Variants in UNC80 observed in about 807,000 individuals in gnomAD.
The protein encoded by UNC80 is unc-80 subunit of NALCN channel complex.
Under a neutral mutation model 384.6 loss-of-function variants are expected in UNC80, and 164 were observed. The ratio of observed to expected loss-of-function variants is 0.43; its 90% CI spans 0.38 to 0.49. The LOEUF (loss-of-function observed/expected upper bound fraction) is 0.49, where lower values mean the gene tolerates loss of function less well. UNC80 is among the 20% of genes least tolerant of loss of function. The probability of loss-of-function intolerance (pLI) is 0.00; values close to 1 mark genes in which losing one functional copy is unlikely to be tolerated. For synonymous variants in UNC80, 1,486 were observed against 1,527.8 expected (o/e 0.97, Z 0.64); for missense variants, 3,330 against 4,143.0 (o/e 0.80, Z 5.39).
Position 209,839,254 on chromosome 2 carries a change from G to A in UNC80, c.3074G>A (p.Arg1025Gln). 1.9e-6 allele frequency: 3 copies of A among 1,551,506 alleles called. No individual in the cohort carries two copies. The highest frequency in any genetic ancestry group is 1.2e-5 in the South Asian group (1 of 84,054). ...DEQMQGANLG[R>Q]KDFWRKMFKS... ...CAAATGCAAGGAGCCAACTTGGGGC[G>A]GAAAGATTTCTGGCGTAAGATGTTC... The change falls in exon 19 of 65, where the codon CGG (arginine) becomes CAG (glutamine). Residue 1025 changes from arginine (R) to glutamine (Q), a missense_variant. By Grantham distance (43) the Arg-to-Gln change is conservative. Transcript: ENST00000673920. The surrounding 1 kb of genome is among the most constrained non-coding windows in gnomAD (Gnocchi z 4.1).
Position 209,808,424 on chromosome 2 carries a change from G to A in UNC80, c.939-5156G>A, listed in dbSNP as rs190045651. On this transcript the variant is annotated intron_variant, in intron 7 of 64. Coordinates refer to ENST00000673920, the MANE Select transcript of UNC80 (RefSeq NM_001371986.1). The stretch of plus-strand genomic sequence containing the variant: ...CTAAAAATACAAAAATTAGCCAGGC[G>A]TCGTGGCGGGCACCTGTAATCTCAG... 5.9e-5 allele frequency among the ~76,000 whole-genome samples: 9 copies of A among 151,944 alleles called. No individual in the cohort carries two copies. The East Asian group carries it at 1.4e-3, about 23-fold the overall frequency.
At chr2:209,785,050 G>A (rs2077349081) in intron 4 of UNC80, among the ~76,000 whole-genome samples, 2 of 152,132 alleles carry the variant, frequency 1.3e-5, no homozygotes, top group African/African-American at 2.4e-5. Flanking sequence ...ATGTGTGAGA[G>A]TCATCAGGGG....
rs142057195 is a variant in UNC80 at position 209,899,145 on chromosome 2, T to C, written c.4581+2732T>C. Among the ~76,000 whole-genome samples the C allele has an allele frequency of 3.9e-3, 598 of 152,316 alleles. 4 individuals carry two copies. Among genetic ancestry groups the C allele is most frequent in the African/African-American group, 0.013 (558 of 41,566 alleles). On this transcript the variant is annotated intron_variant, in intron 28 of 64. Coordinates refer to ENST00000673920, the MANE Select transcript of UNC80 (RefSeq NM_001371986.1). ...CTTCAATATATGAATCTATTTTCTT[T>C]ACTCTTCTTGGTCCTGCTCCTAAAA...
At chr2:209,943,101 C>G (rs1340438343) in intron 44 of UNC80, among the ~76,000 whole-genome samples, 1 of 152,046 alleles carries the variant, frequency 6.6e-6, no homozygotes, top group Non-Finnish European at 1.5e-5. Flanking sequence ...TGCAGCAGGC[C>G]TTCTTATGTA....
At chr2:209,929,820 T>C in intron 36 of UNC80, 51 bp from the exon 37 acceptor site, 1 of 1,330,060 alleles carries the variant, frequency 7.5e-7, no homozygotes, top group East Asian at 2.7e-5. Context: ...CTTTATCTCA[T>C]AGACTTAACT....
At chr2:209,985,021 T>C (rs1028353710) in intron 61 of UNC80, 109 bp downstream of exon 61, 2 of 930,970 alleles carry the variant, frequency 2.1e-6, no homozygotes, top group Non-Finnish European at 3.1e-6. Context: ...CGTCTTAATA[T>C]CTATTTCCAT....
intron 48 of UNC80, among the ~76,000 whole-genome samples, chr2:209,956,309 C>CCCTAATTTCTAATT (rs1553613836): frequency 3.3e-5 from 5 of 151,614 alleles, no homozygotes; most frequent in Admixed American, 6.6e-5. Context: ...GATAAGAATT[C>CCCTAATTTCTAATT]TCTGCTCAGG....
At chr2:209,989,684 T>G (rs2093356788) in intron 61 of UNC80, among the ~76,000 whole-genome samples, 1 of 152,202 alleles carries the variant, frequency 6.6e-6, no homozygotes. Flanking sequence ...AGTCTTCTCC[T>G]GGTTCATTCT....
At position 209,834,831 on chromosome 2, in the gene UNC80, GTTTTGT is replaced by G; in HGVS notation, c.2943-77_2943-72del. 6 of 1,186,648 alleles carry G rather than the reference GTTTTGT, an allele frequency of 5.1e-6. No individual in the cohort carries two copies. The South Asian group carries it at 6.6e-5, about 13-fold the overall frequency. 73.5% of individuals were successfully genotyped at this position (1,186,648 alleles called of 1,614,324 possible). ...GCTGCAAAGTTGTCTACAACAGAGT[GTTTTGT>G]TTTATGAAGTGTATGAAGTATTAAG... On this transcript the variant is annotated intron_variant, in intron 17 of 64. Coordinates refer to ENST00000673920, the MANE Select transcript of UNC80 (RefSeq NM_001371986.1).
At chr2:209,921,777 G>T (rs1488792556) in intron 34 of UNC80, 91 bp downstream of exon 34, 47 of 1,325,234 alleles carry the variant, frequency 3.5e-5, no homozygotes, top group Non-Finnish European at 4.8e-5. Flanking sequence ...TGTGACATGA[G>T]GTGATATGCC....
chr2:209,849,492 G>A lies in UNC80; in HGVS notation c.3496G>A (p.Gly1166Ser). 6 of 1,551,002 alleles carry A rather than the reference G, an allele frequency of 3.9e-6. No homozygotes were observed. The highest frequency in any genetic ancestry group is 4.4e-6 in the Non-Finnish European group (5 of 1,146,496). The change falls in exon 22 of 65, where the codon GGT (glycine) becomes AGT (serine). Residue 1166 changes from glycine to serine, a missense_variant. Coordinates refer to ENST00000673920, the MANE Select transcript of UNC80 (RefSeq NM_001371986.1). ...FDDHLSPNQDGGKSKNVVNLG... is the reference protein window; with the variant it reads ...FDDHLSPNQDSGKSKNVVNLG... ...TGATCATCTCTCTCCCAACCAAGAT[G>A]GTGGAAAAAGCAAAAACGTGGTGAA... is the stretch of plus-strand genomic sequence containing the variant.
chr2:209,949,451 G>A (rs1051700151), intron 47 of UNC80, among the ~76,000 whole-genome samples: 2 of 152,012 alleles, frequency 1.3e-5, no homozygotes, highest in Non-Finnish European at 2.9e-5. Context: ...AATGGAAAGT[G>A]TCTCTCCTAC....
rs1316752442 is a variant in UNC80, at chr2:209,978,538, G to A, written c.8948G>A (p.Gly2983Asp). ...CTCTCGCATCCTCTAGCCTACCAAGGCAAGACATCCATCAGTACCGTGGGC... is the reference window on the plus strand; with the variant it reads ...CTCTCGCATCCTCTAGCCTACCAAGACAAGACATCCATCAGTACCGTGGGC... ...EAVHSGSAYQ[G>D]KTSISTVGTS... is the part of the protein sequence containing the mutation. The change falls in exon 59 of 65, where the codon GGC becomes GAC. Residue 2983 changes from glycine to aspartate, a missense_variant. This residue lies in a region of UNC80 where 216 missense variants were observed against 245.3 expected (regional missense o/e 0.88). Coordinates refer to ENST00000673920, the MANE Select transcript of UNC80 (RefSeq NM_001371986.1). The A allele has an allele frequency of 6.5e-7, 1 of 1,542,558 alleles. No individual in the cohort carries two copies. Among genetic ancestry groups the A allele is most frequent in the Non-Finnish European group, 8.8e-7 (1 of 1,139,954 alleles).
intron 40 of UNC80, among the ~76,000 whole-genome samples, chr2:209,936,181 C>G (rs984695914): frequency 6.6e-6 from 1 of 152,088 alleles, no homozygotes; most frequent in African/African-American, 2.4e-5. Context: ...ATTTCTAAGG[C>G]CCAACTTCAA....
intron 22 of UNC80, among the ~76,000 whole-genome samples, chr2:209,866,531 C>G (rs751823085): frequency 0.047 from 5,561 of 119,208 alleles, 128 homozygotes; most frequent in Middle Eastern, 0.061. Context: ...CACACACACA[C>G]ACAGAGAGAG....
chr2:209,899,223 G>T (rs545274943), intron 28 of UNC80, among the ~76,000 whole-genome samples: 1 of 152,226 alleles, frequency 6.6e-6, no homozygotes, highest in Admixed American at 6.5e-5. Flanking sequence ...TTATAGAGGT[G>T]CAGTGGTAGA....
intron 16 of UNC80, 31 bp downstream of exon 16, chr2:209,831,622 C>G (rs1337467674): frequency 9.4e-6 from 14 of 1,496,930 alleles, no homozygotes; most frequent in East Asian, 2.5e-5. Flanking sequence ...CCCACAGGAG[C>G]TCTCAGTCTC....
At chr2:209,881,964 C>CTTT (rs34822717) in intron 25 of UNC80, among the ~76,000 whole-genome samples, 84 of 131,182 alleles carry the variant, frequency 6.4e-4, no homozygotes, top group African/African-American at 1.9e-3. Flanking sequence ...ACCTCTCCTT[C>CTTT]TTTTTTTTTT....
At chr2:209,971,581 G>A (rs1385593253) in intron 54 of UNC80, among the ~76,000 whole-genome samples, 2 of 149,872 alleles carry the variant, frequency 1.3e-5, no homozygotes, top group African/African-American at 2.4e-5. Context: ...GTACACAACT[G>A]ATGTAAATGG....
Sources: allele counts gnomAD v4.1 joint callset (sites outside exome capture counted in the v4.1 genomes callset), GRCh38; gene constraint gnomAD v4.1.1; regional missense constraint gnomAD v4.1.1; non-coding constraint Gnocchi (gnomAD v3.1); transcripts MANE v1.5; gene names NCBI Gene and HGNC (gene_info 2026-07-23, HGNC 2026-07-21).